The following ARFGEF1 variants were observed in gnomAD, a reference collection of about 807,000 sequenced individuals.
ARFGEF1 encodes the protein ARF guanine nucleotide exchange factor 1, also known as brefeldin A-inhibited guanine nucleotide-exchange protein 1.
A neutral mutation model predicts 231.0 loss-of-function variants in ARFGEF1; 42 were observed. That is an observed-to-expected ratio of 0.18 (90% CI 0.14 to 0.24). ARFGEF1 has a LOEUF of 0.24. ARFGEF1 is among the 10% of genes least tolerant of loss of function. The pLI is 1.00. For missense variants in ARFGEF1, 1,345 were observed against 2,192.0 expected, an observed-to-expected ratio of 0.61 and a Z score of 7.72; for synonymous variants, 710 against 732.3, an observed-to-expected ratio of 0.97 and a Z score of 0.49.
At position 67,218,207 on chromosome 8, in the gene ARFGEF1, A is replaced by AATATATATAT. The variant is rs1228163654; in HGVS notation, c.4339-79_4339-70dup. 52 of 91,342 alleles carry AATATATATAT rather than the reference A, an allele frequency of 5.7e-4. 1 individual carries two copies. The highest frequency in any genetic ancestry group is 1.5e-3 in the African/African-American group (22 of 14,522). The allele number at this position is 91,342 out of a possible 1,614,324, so 5.7% of individuals were successfully genotyped here. A position where few individuals can be genotyped will look rare whatever the true frequency, so the allele number is the denominator to read the frequency against. On this transcript the variant is annotated intron_variant, in intron 30 of 38. Transcript: ENST00000262215. ...TACTATGATTAAAAAAAAAAAAAAA[A>AATATATATAT]ATATATATATATATATATATATATA... is the stretch of plus-strand genomic sequence containing the variant.
At chr8:67,278,192 A>G (rs889678193) in intron 7 of ARFGEF1, among the ~76,000 whole-genome samples, 2 of 152,218 alleles carry the variant, frequency 1.3e-5, no homozygotes, top group African/African-American at 4.8e-5. Flanking sequence ...AAAGAAAACT[A>G]TAAGATAGTA....
chr8:67,321,057 C>A (rs1000871706), intron 1 of ARFGEF1, among the ~76,000 whole-genome samples: 3 of 151,880 alleles, frequency 2.0e-5, no homozygotes, highest in Non-Finnish European at 4.4e-5. Context: ...GTCTCAAAAG[C>A]CTCCATTCTG....
intron 1 of ARFGEF1, among the ~76,000 whole-genome samples, chr8:67,341,764 TAC>T (rs927251048): frequency 3.3e-5 from 5 of 152,314 alleles, no homozygotes; most frequent in African/African-American, 4.8e-5. Context: ...TAGATATAAA[TAC>T]AGTTTTTGCC....
chr8:67,250,262 A>G (rs1402630524), intron 19 of ARFGEF1, among the ~76,000 whole-genome samples: 1 of 152,202 alleles, frequency 6.6e-6, no homozygotes, highest in African/African-American at 2.4e-5. Context: ...GGGTAAGAGG[A>G]GTGAAAAAGT....
intron 1 of ARFGEF1, among the ~76,000 whole-genome samples, chr8:67,342,303 G>A (rs536559133): frequency 5.3e-5 from 8 of 152,258 alleles, no homozygotes; most frequent in Admixed American, 4.6e-4. Context: ...TCATAGGTAG[G>A]AGGTATTGTT....
chr8:67,298,012 C>G (rs1412304905), intron 4 of ARFGEF1, among the ~76,000 whole-genome samples: 1 of 151,954 alleles, frequency 6.6e-6, no homozygotes, highest in Non-Finnish European at 1.5e-5. Context: ...TGCTGTGTTG[C>G]CCAGGCTGGT....
Position 67,343,482 on chromosome 8 carries a change from G to A in ARFGEF1, c.-195C>T. On this transcript the variant is annotated 5_prime_UTR_variant, in exon 1 of 39. Transcript: ENST00000262215. ...CCGCGGTGTCGGCGAAGGGCGTCGA[G>A]GTCCTCGCCGCCCCCAAGAAGCCGT... 4 of 1,292,876 alleles carry A rather than the reference G, an allele frequency of 3.1e-6. No homozygotes were observed. The highest frequency in any genetic ancestry group is 2.2e-5 in the South Asian group (1 of 45,868). 80.1% of individuals were successfully genotyped at this position (1,292,876 alleles called of 1,614,324 possible). A position where few individuals can be genotyped will look rare whatever the true frequency, so the allele number is the denominator to read the frequency against.
At position 67,238,538 on chromosome 8, in the gene ARFGEF1, T is replaced by C. The variant is rs112444949; in HGVS notation, c.3139-45A>G. The C allele has an allele frequency of 6.6e-5, 102 of 1,552,622 alleles. No individual in the cohort carries two copies. In the African/African-American group the frequency reaches 9.7e-4, roughly 15 times the overall value. Reference sequence around the variant, plus strand: ...AAAATGTTAAATTCCATGTTAAAAATATCTTCAAAAAGATTTAAATATATG... The same window carrying C: ...AAAATGTTAAATTCCATGTTAAAAACATCTTCAAAAAGATTTAAATATATG... On this transcript the variant is annotated intron_variant, in intron 21 of 38. Coordinates refer to ENST00000262215, the MANE Select transcript of ARFGEF1 (RefSeq NM_006421.5).
downstream of ARFGEF1, among the ~76,000 whole-genome samples, chr8:67,194,595 A>G (rs1837355183): frequency 6.6e-6 from 1 of 152,130 alleles, no homozygotes; most frequent in South Asian, 2.1e-4. Flanking sequence ...TTTAATGTCT[A>G]CACTGTTTTT....
chr8:67,323,627 T>A (rs755319486), intron 1 of ARFGEF1, among the ~76,000 whole-genome samples: 1 of 152,170 alleles, frequency 6.6e-6, no homozygotes, highest in Non-Finnish European at 1.5e-5. Context: ...TCATCCTAAA[T>A]GCCTTCCTTT....
intron 1 of ARFGEF1, among the ~76,000 whole-genome samples, chr8:67,323,208 C>T (rs1024287799): frequency 1.1e-4 from 17 of 151,988 alleles, no homozygotes; most frequent in Admixed American, 1.1e-3. Context: ...GCAGACATCG[C>T]GCCACTGCAC....
intron 9 of ARFGEF1, among the ~76,000 whole-genome samples, chr8:67,272,483 GA>G (rs199900883): frequency 3.3e-4 from 49 of 146,296 alleles, no homozygotes; most frequent in African/African-American, 1.1e-3. Context: ...TTTTTAAAAA[GA>G]AAAAAAAAAT....
At chr8:67,300,020 T>C (rs1176581873) in intron 3 of ARFGEF1, among the ~76,000 whole-genome samples, 1 of 152,162 alleles carries the variant, frequency 6.6e-6, no homozygotes, top group Non-Finnish European at 1.5e-5. Context: ...CAAGGTTTTA[T>C]TGATACTGCT....
At chr8:67,300,681 A>G (rs1279596152) in intron 3 of ARFGEF1, among the ~76,000 whole-genome samples, 1 of 149,178 alleles carries the variant, frequency 6.7e-6, no homozygotes, top group Admixed American at 6.7e-5. Flanking sequence ...AAAAAAAAAA[A>G]AAAAATACAA....
chr8:67,222,559 T>G (rs1418392519), intron 29 of ARFGEF1, among the ~76,000 whole-genome samples: 2 of 152,122 alleles, frequency 1.3e-5, no homozygotes, highest in African/African-American at 4.8e-5. Context: ...CAAGCGATTC[T>G]CCTGCCTCAG....
intron 5 of ARFGEF1, among the ~76,000 whole-genome samples, chr8:67,187,264 C>T (rs1187705935): frequency 1.3e-5 from 2 of 152,096 alleles, no homozygotes; most frequent in African/African-American, 2.4e-5. Flanking sequence ...ATAGCCAGCA[C>T]AATGTTTAAA....
Position 67,198,978 on chromosome 8 carries a change from T to G in ARFGEF1, c.5506A>C (p.Ile1836Leu), listed in dbSNP as rs757302258. 5 of 1,612,986 alleles carry G rather than the reference T, an allele frequency of 3.1e-6. No homozygotes were observed. The part of the protein sequence containing the change: ...FFLRIGVVFQ[I>L]SQPPEQELGI... ...AGTTCCTGTTCAGGTGGTTGTGATA[T>G]CTGAAAAACTACTCCGATTCGCAGA... Residue 1836 changes from isoleucine (I) to leucine (L), a missense_variant, in exon 39 of 39, where the codon ATA (isoleucine) becomes CTA (leucine). Physicochemically the swap from Ile to Leu is conservative, Grantham distance 5. Transcript: ENST00000262215.
chr8:67,200,780 T>C (rs1838298315), intron 37 of ARFGEF1, among the ~76,000 whole-genome samples: 1 of 152,224 alleles, frequency 6.6e-6, no homozygotes, highest in Non-Finnish European at 1.5e-5. Context: ...AAAGCTGCCG[T>C]GTGGCAGGTG....
chr8:67,237,149 T>C (rs898797955), intron 22 of ARFGEF1, among the ~76,000 whole-genome samples: 1 of 152,190 alleles, frequency 6.6e-6, no homozygotes, highest in Admixed American at 6.5e-5. Context: ...TGAAAATAGT[T>C]TTCATCTGCA....
Sources: allele counts gnomAD v4.1 joint callset (sites outside exome capture counted in the v4.1 genomes callset), GRCh38; gene constraint gnomAD v4.1.1; transcripts MANE v1.5; gene names NCBI Gene and HGNC (gene_info 2026-07-23, HGNC 2026-07-21).